The following RAP1GAP2 variants were observed in gnomAD, a reference collection of about 807,000 sequenced individuals.
RAP1GAP2 encodes the protein rap1 GTPase-activating protein 2.
A neutral mutation model predicts 95.0 loss-of-function variants in RAP1GAP2; 27 were observed. The ratio of observed to expected loss-of-function variants is 0.28; its 90% CI spans 0.21 to 0.39. The LOEUF is 0.39. RAP1GAP2 is among the 10% of genes least tolerant of loss of function. The pLI is 1.00. For missense variants in RAP1GAP2, 771 were observed against 970.0 expected, an observed-to-expected ratio of 0.79 and a Z score of 2.72; for synonymous variants, 373 against 380.9, an observed-to-expected ratio of 0.98 and a Z score of 0.24.
intron 2 of RAP1GAP2, among the ~76,000 whole-genome samples, chr17:2,891,592 C>G (rs544983706): frequency 7.3e-5 from 11 of 151,632 alleles, no homozygotes; most frequent in Non-Finnish European, 1.5e-4. Context: ...CCCCCCCATC[C>G]TCTAGTGATA....
intron 2 of RAP1GAP2, among the ~76,000 whole-genome samples, chr17:2,888,464 A>C (rs900488746): frequency 6.6e-6 from 1 of 151,842 alleles, no homozygotes; most frequent in Non-Finnish European, 1.5e-5. Context: ...TCTGCTTTCT[A>C]CTTCTGTGAG....
At chr17:2,958,071 A>G (rs1437277203) in intron 4 of RAP1GAP2, among the ~76,000 whole-genome samples, 1 of 151,482 alleles carries the variant, frequency 6.6e-6, no homozygotes, top group African/African-American at 2.4e-5. Context: ...GATGTGGAGG[A>G]GGGTTTGAAG....
In RAP1GAP2 at chr17:2,814,849, G is replaced by T. The variant is rs528860560; in HGVS notation, c.80+14299G>T. On this transcript the variant is annotated intron_variant, in intron 2 of 24. Transcript: ENST00000254695. ...TTTGTAGCCCTGCCCTGGGGTGTTG[G>T]GGGGGAGGGTTGACGGCAGCCATTG... Among the ~76,000 whole-genome samples the T allele has an allele frequency of 3.3e-5, 5 of 152,238 alleles. 1 individual carries two copies. The South Asian group carries it at 6.2e-4, about 19-fold the overall frequency.
rs753028462 is a variant in RAP1GAP2, at chr17:2,998,363, C to G, written c.1187C>G (p.Thr396Ser). 3 of 1,613,984 alleles carry G rather than the reference C, an allele frequency of 1.9e-6. No homozygotes were observed. Among genetic ancestry groups the G allele is most frequent in the South Asian group, 2.2e-5 (2 of 91,078 alleles). ...VVQVETPGTETPSYKVSVTAR... is the reference protein window; with the variant it reads ...VVQVETPGTESPSYKVSVTAR... The stretch of plus-strand genomic sequence containing the variant: ...CAGGTCGAGACCCCAGGCACAGAGA[C>G]CCCATCCTACAAGGTAAGGAGAACG... The change falls in exon 14 of 25, where the codon ACC becomes AGC. Residue 396 changes from threonine (T) to serine (S), a missense_variant. Coordinates refer to ENST00000254695, the MANE Select transcript of RAP1GAP2 (RefSeq NM_015085.5).
Position 2,796,639 on chromosome 17 carries a change from A to G in RAP1GAP2, c.44+68A>G, listed in dbSNP as rs2069094427. The G allele has an allele frequency of 3.3e-6, 5 of 1,533,346 alleles. No homozygotes were observed. Among genetic ancestry groups the G allele is most frequent in the East Asian group, 2.4e-5 (1 of 40,820 alleles). 95.0% of individuals were successfully genotyped at this position (1,533,346 alleles called of 1,614,324 possible). On this transcript the variant is annotated intron_variant, in intron 1 of 24. Coordinates refer to ENST00000254695, the MANE Select transcript of RAP1GAP2 (RefSeq NM_015085.5). This position sits in a 1 kb window ranked among gnomAD's most constrained non-coding sequence, Gnocchi z 4.7. ...TTAGAAGTGAAGTCTTGTTAAGTGC[A>G]TTGGCGGCCGTGGGAACAGAGGGGC...
At chr17:2,951,277 C>T (rs1319254984) in intron 3 of RAP1GAP2, among the ~76,000 whole-genome samples, 5 of 152,210 alleles carry the variant, frequency 3.3e-5, no homozygotes, top group Admixed American at 2.0e-4. Flanking sequence ...TCCTGCTGCC[C>T]GAGTGCCACA....
chr17:2,815,074 T>C (rs11653110), intron 2 of RAP1GAP2, among the ~76,000 whole-genome samples: 2 of 151,728 alleles, frequency 1.3e-5, no homozygotes, highest in African/African-American at 4.8e-5. Flanking sequence ...CTAGGGGACC[T>C]CGTTAAAATG....
intron 2 of RAP1GAP2, among the ~76,000 whole-genome samples, chr17:2,823,940 G>A (rs2070421259): frequency 1.3e-5 from 2 of 151,368 alleles, no homozygotes; most frequent in Non-Finnish European, 2.9e-5. Flanking sequence ...TGGCCAACAT[G>A]GTGAAACCCC....
chr17:2,849,468 A>T (rs2071733951), intron 2 of RAP1GAP2, among the ~76,000 whole-genome samples: 1 of 152,142 alleles, frequency 6.6e-6, no homozygotes, highest in Non-Finnish European at 1.5e-5. Flanking sequence ...GTTCCCAGGC[A>T]CAGAAGGCCC....
At chr17:2,898,956 C>T (rs1037460714) in intron 2 of RAP1GAP2, among the ~76,000 whole-genome samples, 1 of 152,258 alleles carries the variant, frequency 6.6e-6, no homozygotes, top group African/African-American at 2.4e-5. Flanking sequence ...TATTGATTAG[C>T]GATTGCATCC....
rs561675659 is a variant in RAP1GAP2 at position 2,829,180 on chromosome 17, C to T, written c.80+28630C>T. 2.4e-4 allele frequency among the ~76,000 whole-genome samples: 36 copies of T among 152,002 alleles called. No individual in the cohort carries two copies. In the South Asian group the frequency reaches 5.4e-3, roughly 23 times the overall value. ...TGTATTTTTAGTAGAGACGGGGTTT[C>T]GCCATGTTGGCCAGGCTAGTCTCAA... On this transcript the variant is annotated intron_variant, in intron 2 of 24. Transcript: ENST00000254695.
chr17:2,951,305 T>G (rs2043916849), intron 3 of RAP1GAP2, among the ~76,000 whole-genome samples: 1 of 152,264 alleles, frequency 6.6e-6, no homozygotes, highest in Non-Finnish European at 1.5e-5. Context: ...CACCCCTCTC[T>G]ATCCAGTGAT....
At chr17:2,763,422 G>A (rs1354569738) in intron 1 of RAP1GAP2, among the ~76,000 whole-genome samples, 2 of 152,176 alleles carry the variant, frequency 1.3e-5, no homozygotes, top group Non-Finnish European at 2.9e-5. Context: ...AAGGCCGGGT[G>A]CGGCAGCTCA....
chr17:2,990,723 C>A (rs1044599199), intron 11 of RAP1GAP2, among the ~76,000 whole-genome samples: 3 of 152,172 alleles, frequency 2.0e-5, no homozygotes, highest in African/African-American at 7.2e-5. Flanking sequence ...TTTCTCCACA[C>A]CCTCACCAAC....
chr17:2,828,210 GC>G (rs2070666995), intron 2 of RAP1GAP2, among the ~76,000 whole-genome samples: 1 of 152,040 alleles, frequency 6.6e-6, no homozygotes, highest in Non-Finnish European at 1.5e-5. Context: ...GTGTGGTGGT[GC>G]ACGCCTGTAA....
upstream of RAP1GAP2, among the ~76,000 whole-genome samples, chr17:2,795,190 C>CTT (rs578206765): frequency 1.4e-5 from 2 of 144,388 alleles, no homozygotes; most frequent in Non-Finnish European, 1.5e-5. Context: ...TCTTCTTCTT[C>CTT]TTTTTTTTTT....
chr17:2,903,762 T>G lies in RAP1GAP2; in HGVS notation c.81-1522T>G, dbSNP rs200678387. Among the ~76,000 whole-genome samples, 3 of 17,790 alleles carry G rather than the reference T, an allele frequency of 1.7e-4. No homozygotes were observed. The highest frequency in any genetic ancestry group is 1.7e-3 in the Admixed American group (1 of 604). 11.7% of individuals were successfully genotyped at this position (17,790 alleles called of 152,430 possible). Reference sequence around the variant, plus strand: ...CTCCCTAGTTGGCCACAGGGAGGGCTGGCTGGTCAACTGCAGGGGCAGGCA... The same window carrying G: ...CTCCCTAGTTGGCCACAGGGAGGGCGGGCTGGTCAACTGCAGGGGCAGGCA... On this transcript the variant is annotated intron_variant, in intron 2 of 24. Transcript: ENST00000254695. The surrounding 1 kb of genome is among the most constrained non-coding windows in gnomAD (Gnocchi z 4.1).
intron 2 of RAP1GAP2, among the ~76,000 whole-genome samples, chr17:2,849,501 G>A (rs886344782): frequency 3.3e-5 from 5 of 152,134 alleles, no homozygotes; most frequent in Non-Finnish European, 7.3e-5. Context: ...CCAGGCATGC[G>A]TGTCTGTCTG....
intron 2 of RAP1GAP2, among the ~76,000 whole-genome samples, chr17:2,886,786 G>T (rs1242905373): frequency 6.6e-6 from 1 of 152,146 alleles, no homozygotes; most frequent in Non-Finnish European, 1.5e-5. Flanking sequence ...AGGGGTCGGG[G>T]AGTGGGACTG....
Sources: allele counts gnomAD v4.1 joint callset (sites outside exome capture counted in the v4.1 genomes callset), GRCh38; gene constraint gnomAD v4.1.1; non-coding constraint Gnocchi (gnomAD v3.1); transcripts MANE v1.5; gene names NCBI Gene and HGNC (gene_info 2026-07-23, HGNC 2026-07-21).